GUCY2C: variants seen among roughly 807,000 people sequenced by gnomAD.
The protein encoded by GUCY2C is guanylyl cyclase C.
Under a neutral mutation model 131.1 loss-of-function variants are expected in GUCY2C, and 118 were observed. That is an observed-to-expected ratio of 0.90 (90% confidence interval 0.78 to 1.05). The LOEUF (loss-of-function observed/expected upper bound fraction) is 1.05. Ranked by LOEUF, GUCY2C falls within the 50% of genes least tolerant of loss-of-function variation. The pLI, the probability that GUCY2C is intolerant of heterozygous loss-of-function variation, is 0.00. For missense variants in GUCY2C, 1,161 were observed against 1,304.4 expected (o/e 0.89, Z 1.69); for synonymous variants, 452 against 457.8 (o/e 0.99, Z 0.16).
intron 12 of GUCY2C, among the ~76,000 whole-genome samples, chr12:14,654,877 C>T (rs963710043): frequency 1.3e-5 from 2 of 152,146 alleles, no homozygotes; most frequent in Non-Finnish European, 2.9e-5. Context: ...AGACCATTGG[C>T]ATGAGGCTGT....
Position 14,669,749 on chromosome 12 carries a change from T to C in GUCY2C, c.1255A>G (p.Lys419Glu). Residue 419 changes from lysine to glutamate, a missense_variant, in exon 10 of 27, where the codon AAA (lysine) becomes GAA (glutamate). Transcript: ENST00000261170. ...CGGCCTGTAATATCATTAGGAAGTT[T>C]AGAGTTCTTCCAAGTGAATGTGGGG... ...MSPTFTWKNS[K>E]LPNDITGRGP... is the part of the protein sequence containing the mutation. The C allele has an allele frequency of 6.3e-7, 1 of 1,592,154 alleles. No homozygotes were observed. Among genetic ancestry groups the C allele is most frequent in the Middle Eastern group, 1.7e-4 (1 of 6,008 alleles).
intron 15 of GUCY2C, among the ~76,000 whole-genome samples, chr12:14,645,948 G>T (rs1249249096): frequency 6.6e-6 from 1 of 151,654 alleles, no homozygotes; most frequent in African/African-American, 2.4e-5. Flanking sequence ...CCATTCTCCT[G>T]CCTCAGCCTG....
rs1565630544 is a variant in GUCY2C at position 14,674,696 on chromosome 12, A to G, written c.1013T>C (p.Ile338Thr). Reference protein sequence around the residue: ...GILLFGHMLKIFLENGENITT... With the variant: ...GILLFGHMLKTFLENGENITT... ...AATATTTTCTCCATTTTCAAGAAATATCTTCAGCATATGTCCAAAGAGCAG... is the reference window on the plus strand; with the variant it reads ...AATATTTTCTCCATTTTCAAGAAATGTCTTCAGCATATGTCCAAAGAGCAG... The change falls in exon 8 of 27, where the codon ATA (isoleucine) becomes ACA (threonine). Residue 338 changes from isoleucine to threonine, a missense_variant. Transcript: ENST00000261170. The G allele has an allele frequency of 2.5e-6, 4 of 1,611,534 alleles. No homozygotes were observed. The highest frequency in any genetic ancestry group is 3.4e-6 in the Non-Finnish European group (4 of 1,177,890).
chr12:14,633,984 A>C (rs2137005366), intron 19 of GUCY2C, among the ~76,000 whole-genome samples: 1 of 152,336 alleles, frequency 6.6e-6, no homozygotes, highest in East Asian at 1.9e-4. Flanking sequence ...GGAATACAAA[A>C]CCCATTTAAC....
rs74068079 is a variant in GUCY2C, at chr12:14,686,074, T to C, written c.395+87A>G. ...AATACTAGACCTCAACACCTCTGAT[T>C]GTGTTGGCTTGACTAGACTGTTGTT... is the stretch of plus-strand genomic sequence containing the variant. On this transcript the variant is annotated intron_variant, in intron 3 of 26. Coordinates refer to ENST00000261170, the MANE Select transcript of GUCY2C (RefSeq NM_004963.4). 2,316 of 798,604 alleles carry C rather than the reference T, an allele frequency of 2.9e-3. 21 individuals are homozygous for C. The African/African-American group carries it at 0.032, about 11-fold the overall frequency. 49.5% of individuals were successfully genotyped at this position (798,604 alleles called of 1,614,324 possible).
intron 12 of GUCY2C, among the ~76,000 whole-genome samples, chr12:14,654,074 A>T (rs1292846264): frequency 1.3e-5 from 2 of 152,232 alleles, no homozygotes; most frequent in Admixed American, 6.5e-5. Context: ...AAGGTTTGTG[A>T]AATTCTCTTG....
rs1946921975 is a variant in GUCY2C, at chr12:14,622,787, A to G, written c.2409-590T>C. On this transcript the variant is annotated intron_variant, in intron 21 of 26. Transcript: ENST00000261170. ...TTTGGGTCCTTTGTAAAGCAGAATC[A>G]ATCATGTAAATAAATTAAATCATGC... 2.0e-5 allele frequency among the ~76,000 whole-genome samples: 3 copies of G among 152,240 alleles called. No homozygotes were observed. In the South Asian group the frequency reaches 6.2e-4, roughly 31 times the overall value.
At chr12:14,674,848 G>T (rs907029527) in intron 7 of GUCY2C, 88 bp from the exon 8 acceptor site, 2 of 1,014,182 alleles carry the variant, frequency 2.0e-6, no homozygotes, top group East Asian at 2.4e-5. Flanking sequence ...GGATCAGCAG[G>T]GTTACTGGAA....
At chr12:14,621,519 A>G (rs900251694) in intron 22 of GUCY2C, among the ~76,000 whole-genome samples, 7 of 152,182 alleles carry the variant, frequency 4.6e-5, no homozygotes, top group Admixed American at 6.5e-5. Context: ...AATAATCTGA[A>G]TGGTTTTATG....
At chr12:14,620,959 T>C in intron 23 of GUCY2C, 83 bp downstream of exon 23, 1 of 1,099,948 alleles carries the variant, frequency 9.1e-7, no homozygotes, top group Non-Finnish European at 1.3e-6. Flanking sequence ...CGATCACACT[T>C]GAAGACCTTT....
Position 14,621,910 on chromosome 12 carries a change from A to C in GUCY2C, c.2601+95T>G, listed in dbSNP as rs1051491222. ...ACCAATTCACTAAATGTGAAACTAG[A>C]GCGGTCAAGAGTAGTAACAGAAACA... is the stretch of plus-strand genomic sequence containing the variant. On this transcript the variant is annotated intron_variant, in intron 22 of 26. Coordinates refer to ENST00000261170, the MANE Select transcript of GUCY2C (RefSeq NM_004963.4). 22 of 772,024 alleles carry C rather than the reference A, an allele frequency of 2.8e-5. No individual in the cohort carries two copies. The Middle Eastern group carries it at 7.0e-4, about 25-fold the overall frequency. 47.8% of individuals were successfully genotyped at this position (772,024 alleles called of 1,614,324 possible).
At position 14,633,670 on chromosome 12, in the gene GUCY2C, A is replaced by AG. The variant is rs1297374649; in HGVS notation, c.2158-4934_2158-4933insC. 4.0e-5 allele frequency among the ~76,000 whole-genome samples: 6 copies of AG among 151,552 alleles called. No homozygotes were observed. The East Asian group carries it at 1.2e-3, about 29-fold the overall frequency. On this transcript the variant is annotated intron_variant, in intron 19 of 26. Transcript: ENST00000261170. ...AGAAAAATAATACAAAGAAATAAAA[A>AG]AAATTCAGGATATGAATGAGAAATT...
rs1445674109 is a variant in GUCY2C at position 14,637,663 on chromosome 12, C to T, written c.2157+2199G>A. Among the ~76,000 whole-genome samples, 16 of 151,912 alleles carry T rather than the reference C, an allele frequency of 1.1e-4. 1 individual carries two copies. The highest frequency in any genetic ancestry group is 4.1e-4 in the South Asian group (2 of 4,824). ...CTTACAGACAACTGATTTTCAACAA[C>T]GGCTCCAAGAACATACAATGGGGAA... On this transcript the variant is annotated intron_variant, in intron 19 of 26. Transcript: ENST00000261170.
At chr12:14,652,802 G>A (rs1947689809) in intron 13 of GUCY2C, 150 bp downstream of exon 13, 1 of 667,976 alleles carries the variant, frequency 1.5e-6, no homozygotes. Flanking sequence ...GCAGGGCCCT[G>A]CCCATCCCTG....
chr12:14,691,122 G>T (rs989474907), intron 1 of GUCY2C, among the ~76,000 whole-genome samples: 1 of 152,190 alleles, frequency 6.6e-6, no homozygotes, highest in Admixed American at 6.5e-5. Flanking sequence ...GAATGGAGGA[G>T]TCTTTGCACT....
intron 22 of GUCY2C, 39 bp from the exon 23 acceptor site, chr12:14,621,255 G>C: frequency 6.5e-7 from 1 of 1,529,574 alleles, no homozygotes; most frequent in Non-Finnish European, 9.0e-7. Context: ...CTGCCCCTTT[G>C]AAAAGTATAG....
chr12:14,617,137 T>C (rs1194323391), intron 24 of GUCY2C, among the ~76,000 whole-genome samples: 1 of 152,186 alleles, frequency 6.6e-6, no homozygotes, highest in Admixed American at 6.5e-5. Flanking sequence ...TCCTGCTTTG[T>C]CTTCTGCCAT....
At chr12:14,614,999 G>T in intron 25 of GUCY2C, 56 bp from the exon 26 acceptor site, 1 of 856,962 alleles carries the variant, frequency 1.2e-6, no homozygotes, top group South Asian at 1.6e-5. Context: ...TTCAGTTGTA[G>T]ACCACTGTTT....
rs137924614 is a variant in GUCY2C, at chr12:14,693,392, C to G, written c.217+2840G>C. On this transcript the variant is annotated intron_variant, in intron 1 of 26. Coordinates refer to ENST00000261170, the MANE Select transcript of GUCY2C (RefSeq NM_004963.4). ...CCTCAGGGAGGTGATGTCATGAAGT[C>G]GAAGGAATCTCTTTTTTTCATGTTC... Among the ~76,000 whole-genome samples, 232 of 152,144 alleles carry G rather than the reference C, an allele frequency of 1.5e-3. 3 individuals carry two copies. Among genetic ancestry groups the G allele is most frequent in the East Asian group, 0.015 (76 of 5,174 alleles).
Sources: gnomAD v4.1 joint callset for allele counts (sites outside exome capture counted in the v4.1 genomes callset) on GRCh38, gnomAD v4.1.1 for gene constraint, MANE v1.5 for transcripts, NCBI Gene and HGNC (gene_info 2026-07-23, HGNC 2026-07-21) for gene names.